Variants in EEF2 observed in about 807,000 individuals in gnomAD.
The protein encoded by EEF2 is eukaryotic translation elongation factor 2.
EEF2 carries 21 observed loss-of-function variants against 85.3 expected under a neutral mutation model. The ratio of observed to expected loss-of-function variants is 0.25; its 90% CI spans 0.17 to 0.35. The LOEUF is 0.35. Among genes scored for constraint, EEF2 ranks in the 10% least tolerant of loss-of-function variants. EEF2 has a pLI of 1.00. For synonymous variants in EEF2, 723 were observed against 508.8 expected, an observed-to-expected ratio of 1.42 and a Z score of -5.67; for missense variants, 825 against 1,225.3, an observed-to-expected ratio of 0.67 and a Z score of 4.88.
chr19:3,982,765 C>T, intron 4 of EEF2, 42 bp downstream of exon 4: 2 of 1,575,960 alleles, frequency 1.3e-6, no homozygotes. Context: ...TCCTGCAGAT[C>T]CCGCTGCGGC....
intron 11 of EEF2, 123 bp from the exon 12 acceptor site, chr19:3,978,295 C>T: frequency 2.5e-6 from 2 of 784,556 alleles, no homozygotes; most frequent in South Asian, 4.9e-5. Context: ...CCACGTCAAT[C>T]AGAACGAAGC....
Position 3,981,419 on chromosome 19 carries a change from C to T in EEF2, c.931G>A (p.Glu311Lys), listed in dbSNP as rs763301574. 1.9e-6 allele frequency: 3 copies of T among 1,614,224 alleles called. No individual in the cohort carries two copies. Among genetic ancestry groups the T allele is most frequent in the Non-Finnish European group, 2.5e-6 (3 of 1,180,046 alleles). Residue 311 changes from glutamate to lysine, a missense_variant, in exon 7 of 15, where the codon GAG (glutamate) becomes AAG (lysine). Physicochemically the swap from Glu to Lys is moderately conservative, Grantham distance 56. Transcript: ENST00000309311. ...AGTTTCTCTATCAGTTTTGCTGTCT[C>T]CTCTTTCTTGAAATTCATGATCGCA... ...FDAIMNFKKE[E>K]TAKLIEKLDI...
intron 1 of EEF2, chr19:3,984,764 G>A: frequency 4.6e-6 from 1 of 215,172 alleles, no homozygotes; most frequent in Non-Finnish European, 9.5e-6. Context: ...GTCACCCCTT[G>A]GCAAACGGGA....
intron 4 of EEF2, 102 bp downstream of exon 4, chr19:3,982,705 G>A (rs983467896): frequency 6.0e-6 from 8 of 1,338,080 alleles, no homozygotes; most frequent in Non-Finnish European, 8.2e-6. Flanking sequence ...AACATTCCTG[G>A]CAAAAACACA....
intron 4 of EEF2, 107 bp from the exon 5 acceptor site, chr19:3,982,531 A>G (rs2039765899): frequency 7.2e-7 from 1 of 1,394,584 alleles, no homozygotes; most frequent in African/African-American, 1.4e-5. Flanking sequence ...TTTCTTCAGT[A>G]GACATCTGGT....
chr19:3,984,031 G>T, intron 2 of EEF2, 105 bp downstream of exon 2: 1 of 1,215,410 alleles, frequency 8.2e-7, no homozygotes, highest in South Asian at 1.4e-5. Context: ...AGAAACCAGG[G>T]GAAAGAGACG....
intron 9 of EEF2, 121 bp downstream of exon 9, chr19:3,980,393 G>A (rs759028907): frequency 2.4e-6 from 3 of 1,271,968 alleles, no homozygotes; most frequent in African/African-American, 1.5e-5. Context: ...GCTGGCACAA[G>A]TATCACCCTA....
intron 2 of EEF2, among the ~76,000 whole-genome samples, chr19:3,983,673 G>A (rs565747342): frequency 2.6e-5 from 4 of 152,188 alleles, no homozygotes; most frequent in African/African-American, 9.6e-5. Flanking sequence ...AAGAGCCTTA[G>A]CCAGAGTCCC....
At position 3,979,314 on chromosome 19, in the gene EEF2, T is replaced by A; in HGVS notation, c.1713+15A>T. 2 of 1,609,654 alleles carry A rather than the reference T, an allele frequency of 1.2e-6. No homozygotes were observed. The highest frequency in any genetic ancestry group is 1.7e-6 in the Non-Finnish European group (2 of 1,176,282). On this transcript the variant is annotated intron_variant, in intron 11 of 14. Coordinates refer to ENST00000309311, the MANE Select transcript of EEF2 (RefSeq NM_001961.4). Reference sequence around the variant, plus strand: ...CGGGGTGGGGCGTGGGGAAGGCTGGTCACTGGCGCCTCACCTTGATGGGGA... The same window carrying A: ...CGGGGTGGGGCGTGGGGAAGGCTGGACACTGGCGCCTCACCTTGATGGGGA...
Position 3,977,282 on chromosome 19 carries a change from C to G in EEF2, c.2316G>C (p.Glu772Asp). 6.2e-7 allele frequency: 1 copy of G among 1,611,278 alleles called. No individual in the cohort carries two copies. ...TGGGGGTGCCGGCCACCTGGGACTCCTCGAACACGTGGCCCCGCTTCCTGT... is the reference window on the plus strand; with the variant it reads ...TGGGGGTGCCGGCCACCTGGGACTCGTCGAACACGTGGCCCCGCTTCCTGT... ...VLNRKRGHVF[E>D]ESQVAGTPMF... The change falls in exon 14 of 15, where the codon GAG becomes GAC. Residue 772 changes from glutamate to aspartate, a missense_variant. By Grantham distance (45) the Glu-to-Asp change is conservative (BLOSUM62 2). Transcript: ENST00000309311. The surrounding 1 kb of genome is among the most constrained non-coding windows in gnomAD (Gnocchi z 5.4).
chr19:3,982,927 C>A lies in EEF2; in HGVS notation c.492G>T (p.Leu164=), dbSNP rs1432002513. 1 of 1,613,302 alleles carries A rather than the reference C, an allele frequency of 6.2e-7. No individual in the cohort carries two copies. Among genetic ancestry groups the A allele is most frequent in the Non-Finnish European group, 8.5e-7 (1 of 1,179,990 alleles). The change falls in exon 4 of 15, where the codon CTG becomes CTT. Residue 164 remains leucine (L), a synonymous_variant. Transcript: ENST00000309311. ...VLMMNKMDRA[L]LELQLEPEEL... is the part of the protein sequence containing the mutation. ...CCTCGGGCTCCAGCTGCAGCTCCAG[C>A]AGGGCGCGGTCCATCTTGTTCATCA... is the stretch of plus-strand genomic sequence containing the variant.
At chr19:3,981,146 C>A (rs2039740949) in intron 7 of EEF2, among the ~76,000 whole-genome samples, 167 bp from the exon 8 acceptor site, 1 of 152,274 alleles carries the variant, frequency 6.6e-6, no homozygotes, top group South Asian at 2.1e-4. Context: ...CCTGCCAAGG[C>A]CCTCACCCAC....
intron 7 of EEF2, 40 bp from the exon 8 acceptor site, chr19:3,981,019 C>A: frequency 6.5e-7 from 1 of 1,545,312 alleles, no homozygotes; most frequent in Non-Finnish European, 8.7e-7. Context: ...ACCTGGGGAG[C>A]CCAGGATGGC....
chr19:3,985,184 A>G (rs902330855), intron 1 of EEF2, 194 bp downstream of exon 1: 1 of 552,856 alleles, frequency 1.8e-6, no homozygotes, highest in Non-Finnish European at 2.8e-6. Context: ...GCCCTCGGAA[A>G]CGGAGAAAGG....
Position 3,982,032 on chromosome 19 carries a change from C to G in EEF2, c.812G>C (p.Gly271Ala), listed in dbSNP as rs778399503. 1.7e-5 allele frequency: 28 copies of G among 1,614,034 alleles called. No homozygotes were observed. The highest frequency in any genetic ancestry group is 2.3e-5 in the Non-Finnish European group (27 of 1,180,012). Residue 271 changes from glycine to alanine, a missense_variant, in exon 6 of 15, where the codon GGC becomes GCC. Coordinates refer to ENST00000309311, the MANE Select transcript of EEF2 (RefSeq NM_001961.4). Reference protein sequence around the residue: ...WGDRYFDPANGKFSKSATSPE... With the variant: ...WGDRYFDPANAKFSKSATSPE... ...GCTGGTGGCTGACTTGCTGAACTTG[C>G]CGTTGGCTGGGTCAAAGTACCTGGC...
intron 1 of EEF2, 89 bp from the exon 2 acceptor site, chr19:3,984,439 C>A: frequency 7.0e-7 from 1 of 1,427,806 alleles, no homozygotes; most frequent in Non-Finnish European, 9.7e-7. Flanking sequence ...ACCAGCATGC[C>A]CAAGGCCAGG....
chr19:3,980,145 G>C, intron 9 of EEF2, 79 bp from the exon 10 acceptor site: 1 of 1,537,452 alleles, frequency 6.5e-7, no homozygotes, highest in East Asian at 2.3e-5. Context: ...GTCCCTCCCG[G>C]AGTTGGTGGC....
chr19:3,976,613 T>C lies in EEF2; in HGVS notation c.2518A>G (p.Lys840Glu). Residue 840 changes from lysine (K) to glutamate (E), a missense_variant, in exon 15 of 15, where the codon AAG (lysine) becomes GAG (glutamate). Transcript: ENST00000309311. ...RPSQVVAETRKRKGLKEGIPA... is the reference protein window; with the variant it reads ...RPSQVVAETRERKGLKEGIPA... ...ATGCCTTCTTTCAGGCCCTTGCGCT[T>C]GCGGGTCTCCGCCACCACCTGGCTG... The C allele has an allele frequency of 1.2e-6, 2 of 1,610,918 alleles. No homozygotes were observed. Among genetic ancestry groups the C allele is most frequent in the Non-Finnish European group, 1.7e-6 (2 of 1,178,852 alleles).
Position 3,981,465 on chromosome 19 carries a change from C to T in EEF2, c.898-13G>A, listed in dbSNP as rs2039746140. ...TCGCATCAAACACCTACATTCCCCA[C>T]CAAGAAACAAGAAAGCCCATTTGGG... is the stretch of plus-strand genomic sequence containing the variant. On this transcript the variant is annotated splice_polypyrimidine_tract_variant and intron_variant, in intron 6 of 14. Transcript: ENST00000309311. 1.9e-6 allele frequency: 3 copies of T among 1,610,958 alleles called. No individual in the cohort carries two copies. Among genetic ancestry groups the T allele is most frequent in the African/African-American group, 2.7e-5 (2 of 74,866 alleles).
Sources: allele counts gnomAD v4.1 joint callset (sites outside exome capture counted in the v4.1 genomes callset), GRCh38; gene constraint gnomAD v4.1.1; non-coding constraint Gnocchi (gnomAD v3.1); transcripts MANE v1.5; gene names NCBI Gene and HGNC (gene_info 2026-07-23, HGNC 2026-07-21).